Variants in NELL1 observed in about 807,000 individuals in gnomAD.
NELL1 encodes the protein protein kinase C-binding protein NELL1.
A neutral mutation model predicts 107.4 loss-of-function variants in NELL1; 76 were observed. That is an observed-to-expected ratio of 0.71 (90% CI 0.59 to 0.86). NELL1 has a LOEUF of 0.86. NELL1 is among the 40% of genes least tolerant of loss of function. The pLI, the probability that NELL1 is intolerant of heterozygous loss-of-function variation, is 0.00. For missense variants in NELL1, 1,024 were observed against 1,005.5 expected, an observed-to-expected ratio of 1.02 and a Z score of -0.25; for synonymous variants, 353 against 341.2, an observed-to-expected ratio of 1.03 and a Z score of -0.38.
At chr11:21,141,803 G>A (rs138183423) in intron 13 of NELL1, among the ~76,000 whole-genome samples, 20 of 150,856 alleles carry the variant, frequency 1.3e-4, no homozygotes, top group Admixed American at 2.6e-4. Flanking sequence ...TGCTCCTGTC[G>A]CCCAGGCTGG....
chr11:20,930,546 T>C (rs1418656022), intron 9 of NELL1, among the ~76,000 whole-genome samples: 1 of 152,186 alleles, frequency 6.6e-6, no homozygotes, highest in Non-Finnish European at 1.5e-5. Flanking sequence ...ACATGTTTTG[T>C]ATAGAAAACA....
intron 15 of NELL1, among the ~76,000 whole-genome samples, chr11:21,423,173 T>G (rs1852732613): frequency 6.6e-6 from 1 of 152,044 alleles, no homozygotes; most frequent in Non-Finnish European, 1.5e-5. Context: ...GAGACCATCC[T>G]CGCCAACATG....
intron 14 of NELL1, among the ~76,000 whole-genome samples, chr11:21,257,276 T>C (rs1012047757): frequency 6.6e-6 from 1 of 152,018 alleles, no homozygotes. Flanking sequence ...CATTCTGAAG[T>C]AGATATTTTA....
At chr11:21,555,070 G>T (rs1215849142) in intron 16 of NELL1, among the ~76,000 whole-genome samples, 1 of 151,864 alleles carries the variant, frequency 6.6e-6, no homozygotes, top group Non-Finnish European at 1.5e-5. Context: ...TACTTACAGG[G>T]CCATATCTGG....
chr11:20,698,448 T>A (rs1040265435), intron 2 of NELL1, among the ~76,000 whole-genome samples: 1 of 152,170 alleles, frequency 6.6e-6, no homozygotes, highest in Non-Finnish European at 1.5e-5. Flanking sequence ...TGCAAAATCA[T>A]AAGAATTATT....
chr11:21,176,741 A>G (rs557618156), intron 13 of NELL1, among the ~76,000 whole-genome samples: 1 of 151,868 alleles, frequency 6.6e-6, no homozygotes, highest in African/African-American at 2.4e-5. Context: ...TCTCTTCTCT[A>G]TGTTGTCATC....
intron 12 of NELL1, among the ~76,000 whole-genome samples, chr11:21,061,889 G>C (rs940738124): frequency 3.9e-5 from 6 of 152,160 alleles, no homozygotes; most frequent in African/African-American, 1.4e-4. Flanking sequence ...GGAATGGTCT[G>C]TGTTCTTTTC....
intron 15 of NELL1, among the ~76,000 whole-genome samples, chr11:21,522,098 A>C (rs1226113307): frequency 1.3e-5 from 2 of 152,022 alleles, no homozygotes; most frequent in African/African-American, 4.8e-5. Flanking sequence ...TTATATCAAA[A>C]AGATACCTGC....
At chr11:21,514,188 A>G (rs1346644631) in intron 15 of NELL1, among the ~76,000 whole-genome samples, 2 of 152,234 alleles carry the variant, frequency 1.3e-5, no homozygotes, top group Non-Finnish European at 2.9e-5. Context: ...TCAAAATAAT[A>G]CATTAAAGAA....
At chr11:20,718,463 T>A (rs1564877843) in intron 2 of NELL1, among the ~76,000 whole-genome samples, 1 of 6,144 alleles carries the variant, frequency 1.6e-4, no homozygotes, top group African/African-American at 3.1e-4. Flanking sequence ...TATTTATTCA[T>A]TTTTTTTTTT....
chr11:20,722,021 T>A (rs868340849), intron 2 of NELL1, among the ~76,000 whole-genome samples: 6,269 of 30,292 alleles, frequency 0.21, 163 homozygotes, highest in Admixed American at 0.34. Context: ...GAGTCTCTCT[T>A]TTTTTTTTTT....
At chr11:20,772,995 G>A (rs1404799944) in intron 2 of NELL1, among the ~76,000 whole-genome samples, 1 of 152,202 alleles carries the variant, frequency 6.6e-6, no homozygotes, top group Non-Finnish European at 1.5e-5. Context: ...GAACTGTTTG[G>A]AAATTGGCTG....
chr11:20,848,329 G>A (rs1848737796), intron 4 of NELL1, among the ~76,000 whole-genome samples: 1 of 152,178 alleles, frequency 6.6e-6, no homozygotes, highest in Admixed American at 6.5e-5. Flanking sequence ...TGGGACCAGG[G>A]GGTTTCACAG....
chr11:20,672,873 T>C (rs549815688), intron 1 of NELL1, among the ~76,000 whole-genome samples: 25 of 141,650 alleles, frequency 1.8e-4, no homozygotes, highest in African/African-American at 5.9e-4. Flanking sequence ...TTTTTTGAGA[T>C]GGAGTTTTGC....
chr11:21,116,685 C>G (rs1484903303), intron 13 of NELL1, among the ~76,000 whole-genome samples: 1 of 151,936 alleles, frequency 6.6e-6, no homozygotes, highest in Non-Finnish European at 1.5e-5. Context: ...TTGATCACCC[C>G]TCCAATTTCA....
At chr11:20,864,484 C>CG (rs2134079145) in intron 4 of NELL1, among the ~76,000 whole-genome samples, 2 of 152,322 alleles carry the variant, frequency 1.3e-5, no homozygotes, top group African/African-American at 4.8e-5. Context: ...CTGTTCCTGC[C>CG]ATCAGGGCAT....
At chr11:21,318,013 T>C (rs1849919303) in intron 14 of NELL1, among the ~76,000 whole-genome samples, 1 of 151,804 alleles carries the variant, frequency 6.6e-6, no homozygotes, top group South Asian at 2.1e-4. Context: ...TCTATGTGCT[T>C]TCAAATGAAG....
chr11:21,220,668 T>C (rs1456568018), intron 13 of NELL1, among the ~76,000 whole-genome samples: 2 of 152,188 alleles, frequency 1.3e-5, no homozygotes, highest in East Asian at 3.9e-4. Flanking sequence ...CTTTTTCAGC[T>C]AGTTTGTTGC....
intron 9 of NELL1, among the ~76,000 whole-genome samples, chr11:20,932,138 C>T (rs1358276048): frequency 6.6e-6 from 1 of 152,050 alleles, no homozygotes; most frequent in African/African-American, 2.4e-5. Context: ...CTATTCAAGG[C>T]ATATTTAATA....
Sources: gnomAD v4.1 joint callset for allele counts (sites outside exome capture counted in the v4.1 genomes callset) on GRCh38, gnomAD v4.1.1 for gene constraint, MANE v1.5 for transcripts, NCBI Gene and HGNC (gene_info 2026-07-23, HGNC 2026-07-21) for gene names.